Variants in ADGRE3 observed in about 807,000 individuals in gnomAD.
The protein encoded by ADGRE3 is EGF-like module receptor 3.
Under a neutral mutation model 80.1 loss-of-function variants are expected in ADGRE3, and 88 were observed. The ratio of observed to expected loss-of-function variants is 1.10; its 90% CI spans 0.93 to 1.31. The LOEUF (loss-of-function observed/expected upper bound fraction) is 1.31. Ranked by LOEUF, ADGRE3 falls within the 40% of genes most tolerant of loss-of-function variation. The pLI, the probability that ADGRE3 is intolerant of heterozygous loss-of-function variation, is 0.00. For missense variants in ADGRE3, 715 were observed against 776.5 expected, an observed-to-expected ratio of 0.92 and a Z score of 0.94; for synonymous variants, 281 against 294.8, an observed-to-expected ratio of 0.95 and a Z score of 0.48.
chr19:14,659,077 C>T lies in ADGRE3; in HGVS notation c.356-527G>A, dbSNP rs188271002. Among the ~76,000 whole-genome samples, 75 of 151,780 alleles carry T rather than the reference C, an allele frequency of 4.9e-4. 1 individual carries two copies. The East Asian group carries it at 0.013, about 27-fold the overall frequency. ...TTTAGATAGGGTCTCATTCTGCTGC[C>T]TAGGCTGGAGTGCAGTGGCACAATC... On this transcript the variant is annotated intron_variant, in intron 4 of 15. Coordinates refer to ENST00000253673, the MANE Select transcript of ADGRE3 (RefSeq NM_032571.5).
rs966435785 is a variant in ADGRE3, at chr19:14,621,458, A to G, written c.1921-1987T>C. Among the ~76,000 whole-genome samples, 21 of 147,352 alleles carry G rather than the reference A, an allele frequency of 1.4e-4. 1 individual carries two copies. The highest frequency in any genetic ancestry group is 1.3e-3 in the Admixed American group (19 of 14,928). On this transcript the variant is annotated intron_variant, in intron 15 of 15. Transcript: ENST00000253673. Reference sequence around the variant, plus strand: ...TGATAGAGTGAGACTCTGTCTCAGAAAAAAAAAAAAGTGAAAAGAAAAGAA... The same window carrying G: ...TGATAGAGTGAGACTCTGTCTCAGAGAAAAAAAAAAGTGAAAAGAAAAGAA...
At chr19:14,648,350 G>A (rs1039519698) in intron 7 of ADGRE3, among the ~76,000 whole-genome samples, 6 of 152,106 alleles carry the variant, frequency 3.9e-5, no homozygotes, top group African/African-American at 1.4e-4. Flanking sequence ...CAGAGGACAG[G>A]CTGGAAGAGC....
At chr19:14,649,096 TTCTCCCCATC>T (rs1163867793) in intron 7 of ADGRE3, among the ~76,000 whole-genome samples, 1 of 133,484 alleles carries the variant, frequency 7.5e-6, no homozygotes, top group Non-Finnish European at 1.6e-5. Context: ...CTTTCCATCT[TTCTCCCCATC>T]TCTCCCCATC....
intron 14 of ADGRE3, among the ~76,000 whole-genome samples, chr19:14,627,247 A>G (rs1214217035): frequency 6.6e-6 from 1 of 152,164 alleles, no homozygotes; most frequent in Admixed American, 6.5e-5. Flanking sequence ...TGGGAACACA[A>G]TTGCTCCTGG....
chr19:14,636,075 C>CTTTTT (rs1267579172), intron 11 of ADGRE3, among the ~76,000 whole-genome samples: 10 of 70,662 alleles, frequency 1.4e-4, no homozygotes, highest in Admixed American at 8.4e-4. Context: ...CCTTTCCTTT[C>CTTTTT]CTTTCCCTTT....
chr19:14,633,011 G>T lies in ADGRE3; in HGVS notation c.1553C>A (p.Ala518Glu), dbSNP rs769054109. The T allele has an allele frequency of 3.7e-6, 6 of 1,612,172 alleles. No homozygotes were observed. Among genetic ancestry groups the T allele is most frequent in the South Asian group, 1.1e-5 (1 of 91,024 alleles). The change falls in exon 13 of 16, where the codon GCG becomes GAG. Residue 518 changes from alanine (A) to glutamate (E), a missense_variant and splice_region_variant. Physicochemically the swap from Ala to Glu is moderately radical, Grantham distance 107. Coordinates refer to ENST00000253673, the MANE Select transcript of ADGRE3 (RefSeq NM_032571.5). ...FLGPVCAIFS[A>E]NLVLFILVFW... ...GACCAAGATAAACAATACTAAATTC[G>T]CCTGCAGGACCAACACAAACAAGGC... is the stretch of plus-strand genomic sequence containing the variant.
chr19:14,653,092 C>G (rs1338002965), intron 6 of ADGRE3, among the ~76,000 whole-genome samples: 1 of 151,978 alleles, frequency 6.6e-6, no homozygotes, highest in East Asian at 1.9e-4. Context: ...AAGCGATTCT[C>G]CTTCCTCAGC....
chr19:14,645,493 TACTA>T (rs985540359), intron 8 of ADGRE3, among the ~76,000 whole-genome samples: 17 of 151,984 alleles, frequency 1.1e-4, no homozygotes, highest in African/African-American at 3.1e-4. Flanking sequence ...ACATCATCGC[TACTA>T]AAAATACAAA....
intron 10 of ADGRE3, among the ~76,000 whole-genome samples, chr19:14,640,538 A>G (rs927411030): frequency 8.6e-5 from 13 of 151,860 alleles, no homozygotes; most frequent in African/African-American, 2.7e-4. Context: ...TGATCTGCCC[A>G]CCTCAGTCCC....
rs1169075414 is a variant in ADGRE3, at chr19:14,636,012, TCTTCCTTCCTTCCTTC to T, written c.1484+2077_1484+2092del. ...TCCTTTCTCTCTCTTTCTCTTTCTTTCTTCCTTCCTTCCTTCCTTCCTTCCTTCCTTCCTTCCTTCC... is the reference window on the plus strand; with the variant it reads ...TCCTTTCTCTCTCTTTCTCTTTCTTTCTTCCTTCCTTCCTTCCTTCCTTCC... On this transcript the variant is annotated intron_variant, in intron 11 of 15. Transcript: ENST00000253673. Among the ~76,000 whole-genome samples, 8 of 99,328 alleles carry T rather than the reference TCTTCCTTCCTTCCTTC, an allele frequency of 8.1e-5. 1 individual carries two copies. The highest frequency in any genetic ancestry group is 3.4e-4 in the South Asian group (1 of 2,902). The allele number at this position is 99,328 out of a possible 152,430, so 65.2% of individuals were successfully genotyped here. A position where few individuals can be genotyped will look rare whatever the true frequency, so the allele number is the denominator to read the frequency against.
chr19:14,666,916 T>C (rs534048488), intron 2 of ADGRE3, among the ~76,000 whole-genome samples: 35 of 152,334 alleles, frequency 2.3e-4, no homozygotes, highest in Middle Eastern at 3.4e-3. Flanking sequence ...CTGGTTTAAA[T>C]AGTGTCCTCC....
At chr19:14,664,227 C>T (rs1222244928) in intron 2 of ADGRE3, among the ~76,000 whole-genome samples, 2 of 152,062 alleles carry the variant, frequency 1.3e-5, no homozygotes, top group Non-Finnish European at 2.9e-5. Flanking sequence ...CACCTGAGGT[C>T]AGGAGTTTGA....
At chr19:14,672,583 T>A (rs980153852) in intron 1 of ADGRE3, among the ~76,000 whole-genome samples, 5 of 152,288 alleles carry the variant, frequency 3.3e-5, no homozygotes, top group African/African-American at 1.2e-4. Flanking sequence ...ATTTGGATGC[T>A]TTTTCTTTCT....
chr19:14,647,124 C>T, intron 8 of ADGRE3, 57 bp downstream of exon 8: 1 of 1,418,482 alleles, frequency 7.0e-7, no homozygotes, highest in Non-Finnish European at 9.9e-7. Flanking sequence ...ATGATACACA[C>T]ATCGTTTGGC....
chr19:14,630,331 C>A (rs1038768442), intron 13 of ADGRE3, 124 bp from the exon 14 acceptor site: 2 of 627,590 alleles, frequency 3.2e-6, no homozygotes, highest in Admixed American at 3.5e-5. Context: ...TGGAAGCCAG[C>A]ACTGGCTACC....
chr19:14,647,150 C>T (rs563924148), intron 8 of ADGRE3, 31 bp downstream of exon 8: 3 of 1,596,556 alleles, frequency 1.9e-6, no homozygotes, highest in Non-Finnish European at 2.6e-6. Flanking sequence ...TCCTTGAGAA[C>T]CCACAAGCTC....
At chr19:14,616,304 T>C (rs1460410116), downstream of ADGRE3, among the ~76,000 whole-genome samples, 2 of 152,126 alleles carry the variant, frequency 1.3e-5, no homozygotes, top group African/African-American at 4.8e-5. Context: ...TGGTGTTTCC[T>C]GGGATCATCT....
intron 9 of ADGRE3, among the ~76,000 whole-genome samples, chr19:14,643,172 A>G (rs1971301083): frequency 4.1e-5 from 5 of 121,100 alleles, no homozygotes; most frequent in African/African-American, 1.7e-4. Context: ...TTTTAGACAG[A>G]GTCTCGCTCT....
At chr19:14,625,933 G>A (rs1204968921) in intron 14 of ADGRE3, among the ~76,000 whole-genome samples, 1 of 152,138 alleles carries the variant, frequency 6.6e-6, no homozygotes, top group Non-Finnish European at 1.5e-5. Flanking sequence ...GGCCTGGGGG[G>A]AAGGAGAGTG....
Sources: allele counts gnomAD v4.1 joint callset (sites outside exome capture counted in the v4.1 genomes callset), GRCh38; gene constraint gnomAD v4.1.1; transcripts MANE v1.5; gene names NCBI Gene and HGNC (gene_info 2026-07-23, HGNC 2026-07-21).